The following KCNN2 variants were observed in gnomAD, a reference collection of about 807,000 sequenced individuals.
KCNN2 encodes the protein potassium calcium-activated channel subfamily N member 2.
KCNN2 carries 24 observed loss-of-function variants against 55.5 expected under a neutral mutation model. The ratio of observed to expected loss-of-function variants is 0.43; its 90% CI spans 0.31 to 0.61. The LOEUF is 0.61. Ranked by LOEUF, KCNN2 falls within the 20% of genes least tolerant of loss-of-function variation. The pLI is 0.08. For missense variants in KCNN2, 754 were observed against 853.6 expected (o/e 0.88, Z 1.45); for synonymous variants, 431 against 336.1 (o/e 1.28, Z -3.09).
chr5:114,494,264 T>TC (rs1748004511), intron 7 of KCNN2, among the ~76,000 whole-genome samples: 2 of 150,944 alleles, frequency 1.3e-5, no homozygotes, highest in Admixed American at 1.3e-4. Flanking sequence ...AAACTGTTTT[T>TC]TTTTGTTTGA....
At chr5:114,088,805 G>C (rs1751074147) in intron 1 of KCNN2, among the ~76,000 whole-genome samples, 1 of 152,008 alleles carries the variant, frequency 6.6e-6, no homozygotes. Flanking sequence ...ATTTTTAGTA[G>C]AGGCAGGGTT....
intron 1 of KCNN2, among the ~76,000 whole-genome samples, chr5:114,125,741 C>A (rs1245718430): frequency 6.6e-6 from 1 of 152,186 alleles, no homozygotes; most frequent in East Asian, 1.9e-4. Context: ...TATTCTGAGG[C>A]CTCTCTCTTT....
intron 1 of KCNN2, among the ~76,000 whole-genome samples, chr5:114,159,982 G>T (rs1416685660): frequency 2.5e-4 from 38 of 152,234 alleles, no homozygotes; most frequent in Non-Finnish European, 2.9e-4. Context: ...TTTTTGAGGG[G>T]TTTTTTGTGT....
intron 2 of KCNN2, among the ~76,000 whole-genome samples, chr5:114,395,958 A>G (rs895149425): frequency 1.3e-5 from 2 of 152,190 alleles, no homozygotes; most frequent in African/African-American, 4.8e-5. Flanking sequence ...GTTTTCTGAA[A>G]TTTACTTCAG....
intron 2 of KCNN2, among the ~76,000 whole-genome samples, chr5:114,304,130 C>T (rs1756220859): frequency 6.6e-6 from 1 of 152,162 alleles, no homozygotes; most frequent in Non-Finnish European, 1.5e-5. Flanking sequence ...CATTACTGTT[C>T]TTTAGGGCTA....
At chr5:114,190,355 G>A (rs868847227) in intron 1 of KCNN2, among the ~76,000 whole-genome samples, 14 of 151,928 alleles carry the variant, frequency 9.2e-5, no homozygotes, top group Admixed American at 2.0e-4. Context: ...GATAAATAAG[G>A]GGATCTGCAT....
At chr5:114,221,860 G>A (rs1364886871) in intron 2 of KCNN2, among the ~76,000 whole-genome samples, 1 of 152,050 alleles carries the variant, frequency 6.6e-6, no homozygotes, top group Non-Finnish European at 1.5e-5. Flanking sequence ...ATAGCATTTT[G>A]GTGAGATTAA....
intron 1 of KCNN2, among the ~76,000 whole-genome samples, chr5:114,169,712 G>A (rs1752992606): frequency 6.6e-6 from 1 of 152,084 alleles, no homozygotes; most frequent in African/African-American, 2.4e-5. Context: ...AAGTGAGGTA[G>A]AAAGAGATGT....
intron 1 of KCNN2, among the ~76,000 whole-genome samples, chr5:114,110,152 T>A (rs1043776540): frequency 3.3e-5 from 5 of 152,028 alleles, no homozygotes; most frequent in Non-Finnish European, 7.4e-5. Flanking sequence ...TCAGGAACTT[T>A]GAGAGAAAAA....
intron 2 of KCNN2, among the ~76,000 whole-genome samples, chr5:114,324,986 G>A (rs770246174): frequency 6.6e-6 from 1 of 152,210 alleles, no homozygotes; most frequent in African/African-American, 2.4e-5. Flanking sequence ...TAAAAGCACT[G>A]TTGGTGATAG....
At chr5:114,386,899 T>C (rs1758306712) in intron 2 of KCNN2, among the ~76,000 whole-genome samples, 2 of 152,352 alleles carry the variant, frequency 1.3e-5, no homozygotes, top group South Asian at 4.1e-4. Context: ...AAGACGTATG[T>C]AGATTTTTGC....
At chr5:114,142,777 A>G (rs921866910) in intron 1 of KCNN2, among the ~76,000 whole-genome samples, 4 of 152,202 alleles carry the variant, frequency 2.6e-5, no homozygotes, top group African/African-American at 9.6e-5. Context: ...TATCGTGAAA[A>G]TGGCCATACT....
intron 1 of KCNN2, among the ~76,000 whole-genome samples, chr5:114,130,391 G>A (rs1187465962): frequency 2.0e-5 from 3 of 152,260 alleles, no homozygotes; most frequent in South Asian, 2.1e-4. Flanking sequence ...CATTTTATTC[G>A]TTCAAGAAGT....
intron 2 of KCNN2, among the ~76,000 whole-genome samples, chr5:114,393,309 G>A (rs1382006045): frequency 6.6e-6 from 1 of 152,148 alleles, no homozygotes; most frequent in East Asian, 1.9e-4. Context: ...GTTGAAAACA[G>A]TTATGTAATG....
chr5:114,259,787 T>C (rs1396543454), intron 2 of KCNN2, among the ~76,000 whole-genome samples: 2 of 152,130 alleles, frequency 1.3e-5, no homozygotes, highest in Admixed American at 1.3e-4. Flanking sequence ...TCTACCAGCC[T>C]CTTGTTTCCT....
chr5:114,332,452 T>A (rs1756841500), intron 2 of KCNN2, among the ~76,000 whole-genome samples: 1 of 152,196 alleles, frequency 6.6e-6, no homozygotes, highest in Admixed American at 6.5e-5. Flanking sequence ...TAAGGTTAAA[T>A]GATAGGGAAA....
rs533664089 is a variant in KCNN2 at position 114,198,420 on chromosome 5, G to A, written c.-270-23060G>A. 7.3e-4 allele frequency among the ~76,000 whole-genome samples: 104 copies of A among 142,690 alleles called. 1 individual carries two copies. Among genetic ancestry groups the A allele is most frequent in the Non-Finnish European group, 1.1e-3 (71 of 65,658 alleles). The allele number at this position is 142,690 out of a possible 152,430, so 93.6% of individuals were successfully genotyped here. On this transcript the variant is annotated intron_variant, in intron 1 of 10. Coordinates refer to the KCNN2 transcript ENST00000512097. ...TGTGTATATATATCCATACATATAC[G>A]TATATATGTGTATATATATATGTGT...
At chr5:114,118,864 T>A (rs1751773350) in intron 1 of KCNN2, among the ~76,000 whole-genome samples, 1 of 152,020 alleles carries the variant, frequency 6.6e-6, no homozygotes, top group South Asian at 2.1e-4. Context: ...CAGGAACAAC[T>A]GAAACAGGTG....
chr5:114,173,101 A>G (rs1185406334), intron 1 of KCNN2, among the ~76,000 whole-genome samples: 1 of 151,830 alleles, frequency 6.6e-6, no homozygotes. Flanking sequence ...ATTTTTATTT[A>G]ATTTTTGTAT....
Sources: gnomAD v4.1 joint callset for allele counts (sites outside exome capture counted in the v4.1 genomes callset) on GRCh38, gnomAD v4.1.1 for gene constraint, MANE v1.5 for transcripts, NCBI Gene and HGNC (gene_info 2026-07-23, HGNC 2026-07-21) for gene names.